The following CHN1 variants were observed in gnomAD, a reference collection of about 807,000 sequenced individuals.
CHN1 encodes N-chimaerin.
A neutral mutation model predicts 59.5 loss-of-function variants in CHN1; 37 were observed. The ratio of observed to expected loss-of-function variants is 0.62; its 90% CI spans 0.48 to 0.82. The LOEUF (loss-of-function observed/expected upper bound fraction) is 0.82. CHN1 is among the 40% of genes least tolerant of loss of function. CHN1 has a pLI of 0.00. For synonymous variants in CHN1, 206 were observed against 200.4 expected (o/e 1.03, Z -0.24); for missense variants, 469 against 571.0 (o/e 0.82, Z 1.82).
intron 6 of CHN1, among the ~76,000 whole-genome samples, chr2:174,850,655 T>A (rs1052078792): frequency 3.9e-5 from 6 of 152,176 alleles, no homozygotes; most frequent in African/African-American, 1.4e-4. Context: ...GAGTCTGTAA[T>A]CTGCTTTAGG....
At chr2:174,903,594 T>G (rs573834244) in intron 5 of CHN1, among the ~76,000 whole-genome samples, 13 of 152,276 alleles carry the variant, frequency 8.5e-5, no homozygotes, top group African/African-American at 3.1e-4. Context: ...ATTTCAAAAT[T>G]TTTTAACCAT....
chr2:174,916,551 C>T (rs978854700), intron 4 of CHN1, among the ~76,000 whole-genome samples: 3 of 152,102 alleles, frequency 2.0e-5, no homozygotes, highest in South Asian at 2.1e-4. Context: ...ATTTAAAAGG[C>T]GTTGAAATGG....
Position 174,915,046 on chromosome 2 carries a change from C to T in CHN1, c.260+12G>A, listed in dbSNP as rs763424585. 5 of 1,567,718 alleles carry T rather than the reference C, an allele frequency of 3.2e-6. No homozygotes were observed. The East Asian group carries it at 1.1e-4, about 35-fold the overall frequency. The stretch of plus-strand genomic sequence containing the variant: ...AATAAAGCACAGTAGTAATTGCAGG[C>T]CCATGACCAACCTTAAAGCCAAAGT... On this transcript the variant is annotated intron_variant, in intron 5 of 12. Transcript: ENST00000409900.
rs577989832 is a variant in CHN1, at chr2:175,001,505, G to A, written c.19+3389C>T. 3.9e-5 allele frequency among the ~76,000 whole-genome samples: 6 copies of A among 152,300 alleles called. No individual in the cohort carries two copies. In the South Asian group the frequency reaches 1.2e-3, roughly 32 times the overall value. On this transcript the variant is annotated intron_variant, in intron 1 of 12. Transcript: ENST00000409900. ...AGTGAGATAATGAAAAGGTTTCCAT[G>A]GCAGAAGGGTCTGAGGAAAGATGGT...
chr2:174,903,358 C>T (rs1467792585), intron 5 of CHN1, among the ~76,000 whole-genome samples: 1 of 152,186 alleles, frequency 6.6e-6, no homozygotes, highest in Admixed American at 6.5e-5. Context: ...CAAACCTCTG[C>T]AAAGACTAGA....
In CHN1 at chr2:174,798,815, C is replaced by T. The variant is rs578039206; in HGVS notation, c.*1301G>A. ...TTTGGAATAATCTTCAAAGTTTGAACATGTGTCTTTTATTGTTAAAAATTT... is the reference window on the plus strand; with the variant it reads ...TTTGGAATAATCTTCAAAGTTTGAATATGTGTCTTTTATTGTTAAAAATTT... On this transcript the variant is annotated 3_prime_UTR_variant, in exon 13 of 13. Transcript: ENST00000409900. Among the ~76,000 whole-genome samples, 3 of 152,312 alleles carry T rather than the reference C, an allele frequency of 2.0e-5. No homozygotes were observed. Among genetic ancestry groups the T allele is most frequent in the African/African-American group, 7.2e-5 (3 of 41,562 alleles).
intron 1 of CHN1, among the ~76,000 whole-genome samples, chr2:174,976,289 G>A (rs1297853190): frequency 1.3e-5 from 2 of 151,916 alleles, no homozygotes; most frequent in African/African-American, 2.4e-5. Flanking sequence ...CCAGGCTGGA[G>A]TGCAGTGGCA....
intron 7 of CHN1, among the ~76,000 whole-genome samples, chr2:174,840,158 A>ATTT (rs1553476418): frequency 2.0e-5 from 2 of 100,050 alleles, no homozygotes; most frequent in African/African-American, 3.5e-5. Flanking sequence ...GCATAAAACC[A>ATTT]TTCTTTTTTT....
intron 5 of CHN1, among the ~76,000 whole-genome samples, chr2:174,907,396 C>G (rs1688571165): frequency 6.6e-6 from 1 of 152,166 alleles, no homozygotes; most frequent in African/African-American, 2.4e-5. Flanking sequence ...TCAAGACTCC[C>G]CTCCCGTATA....
At chr2:174,933,545 G>C (rs1689414352) in intron 3 of CHN1, among the ~76,000 whole-genome samples, 1 of 152,082 alleles carries the variant, frequency 6.6e-6, no homozygotes, top group Admixed American at 6.5e-5. Context: ...TACCAAAGCA[G>C]TTCTGCTTGG....
At position 174,970,050 on chromosome 2, in the gene CHN1, C is replaced by T. The variant is rs374945251; in HGVS notation, c.20-17848G>A. 2.1e-4 allele frequency among the ~76,000 whole-genome samples: 32 copies of T among 152,266 alleles called. No individual in the cohort carries two copies. In the East Asian group the frequency reaches 5.0e-3, roughly 24 times the overall value. Reference sequence around the variant, plus strand: ...CAATTAGGCTGTCACTGTACTTCACCAGTACACACTCACAGTAAAAAGAAA... The same window carrying T: ...CAATTAGGCTGTCACTGTACTTCACTAGTACACACTCACAGTAAAAAGAAA... On this transcript the variant is annotated intron_variant, in intron 1 of 12. Coordinates refer to ENST00000409900, the MANE Select transcript of CHN1 (RefSeq NM_001822.7).
chr2:174,803,106 T>C (rs180710303), intron 11 of CHN1, among the ~76,000 whole-genome samples: 4 of 152,106 alleles, frequency 2.6e-5, no homozygotes, highest in Non-Finnish European at 4.4e-5. Context: ...TGAGTCCTAA[T>C]CAGGGTGGTG....
chr2:174,983,248 T>C (rs1377168268), intron 1 of CHN1, among the ~76,000 whole-genome samples: 2 of 152,234 alleles, frequency 1.3e-5, no homozygotes, highest in Admixed American at 6.5e-5. Flanking sequence ...AATACACTTA[T>C]GCATTGTATA....
chr2:174,941,062 C>A (rs1288978598), intron 3 of CHN1, among the ~76,000 whole-genome samples: 1 of 151,994 alleles, frequency 6.6e-6, no homozygotes, highest in African/African-American at 2.4e-5. Context: ...CTTACAAATT[C>A]TCTCTCACAT....
chr2:174,830,002 C>T (rs77723498), intron 7 of CHN1, among the ~76,000 whole-genome samples: 3,573 of 152,068 alleles, frequency 0.023, 137 homozygotes, highest in African/African-American at 0.081. Flanking sequence ...TTTGGCCGGG[C>T]GCGGTGGCTC....
In CHN1 at chr2:174,808,945, G is replaced by A; in HGVS notation, c.1062C>T (p.Leu354=). 1 of 1,613,684 alleles carries A rather than the reference G, an allele frequency of 6.2e-7. No individual in the cohort carries two copies. Residue 354 remains leucine, a synonymous_variant, in exon 11 of 13, where the codon CTC becomes CTT. Transcript: ENST00000409900. ...KLYFRDLPIP[L]ITYDAYPKFI... is the part of the protein sequence containing the mutation. Reference sequence around the variant, plus strand: ...ACTTAGGGTAGGCATCATATGTAATGAGTGGAATTGGCAAATCCCTGAAGT... The same window carrying A: ...ACTTAGGGTAGGCATCATATGTAATAAGTGGAATTGGCAAATCCCTGAAGT...
At chr2:174,821,557 G>A (rs1558938214) in intron 8 of CHN1, among the ~76,000 whole-genome samples, 1 of 152,186 alleles carries the variant, frequency 6.6e-6, no homozygotes, top group Admixed American at 6.5e-5. Flanking sequence ...TAGCTTATGA[G>A]GGCGCCTCCC....
chr2:174,837,887 C>G (rs1686144741), intron 7 of CHN1, among the ~76,000 whole-genome samples: 1 of 152,068 alleles, frequency 6.6e-6, no homozygotes, highest in South Asian at 2.1e-4. Context: ...ACTTTCTATC[C>G]TTTGGGCTAT....
chr2:174,836,793 T>A (rs1686096748), intron 7 of CHN1, among the ~76,000 whole-genome samples: 1 of 152,316 alleles, frequency 6.6e-6, no homozygotes, highest in South Asian at 2.1e-4. Context: ...GAGCTACTGG[T>A]GCAGAGATGA....
Sources: gnomAD v4.1 joint callset for allele counts (sites outside exome capture counted in the v4.1 genomes callset) on GRCh38, gnomAD v4.1.1 for gene constraint, MANE v1.5 for transcripts, NCBI Gene and HGNC (gene_info 2026-07-23, HGNC 2026-07-21) for gene names.